Variants in ARL15 observed in about 807,000 individuals in gnomAD.
ARL15 encodes ADP-ribosylation factor-like protein 15.
Under a neutral mutation model 25.2 loss-of-function variants are expected in ARL15, and 19 were observed. The ratio of observed to expected loss-of-function variants is 0.75; its 90% CI spans 0.53 to 1.10. The LOEUF (loss-of-function observed/expected upper bound fraction) is 1.10. ARL15 is among the 50% of genes least tolerant of loss of function. The probability of loss-of-function intolerance (pLI) is 0.00; values close to 1 mark genes in which losing one functional copy is unlikely to be tolerated. For missense variants in ARL15, 220 were observed against 246.0 expected, an observed-to-expected ratio of 0.89 and a Z score of 0.71; for synonymous variants, 94 against 86.8, an observed-to-expected ratio of 1.08 and a Z score of -0.46.
In ARL15 at chr5:54,310,474, A is replaced by C; in HGVS notation, c.6T>G (p.Ser2=). 1 of 1,605,806 alleles carries C rather than the reference A, an allele frequency of 6.2e-7. No homozygotes were observed. Among genetic ancestry groups the C allele is most frequent in the African/African-American group, 1.3e-5 (1 of 74,808 alleles). Residue 2 remains serine, a synonymous_variant, in exon 1 of 5, where the codon TCT becomes TCG. Coordinates refer to ENST00000504924, the MANE Select transcript of ARL15 (RefSeq NM_019087.3). ...GAAACGCCTCAGTTATTCGGAGATCAGACATCCGGCAGCCTAAAGCATCCG... is the reference window on the plus strand; with the variant it reads ...GAAACGCCTCAGTTATTCGGAGATCCGACATCCGGCAGCCTAAAGCATCCG... M[S]DLRITEAFLY...
chr5:54,152,453 C>T (rs945585027), intron 3 of ARL15, among the ~76,000 whole-genome samples: 1 of 152,122 alleles, frequency 6.6e-6, no homozygotes, highest in Admixed American at 6.5e-5. Context: ...AAGAAGTCAA[C>T]TCCCTTAAGT....
chr5:54,191,471 A>C (rs1205322342), intron 1 of ARL15, among the ~76,000 whole-genome samples: 1 of 147,232 alleles, frequency 6.8e-6, no homozygotes, highest in East Asian at 1.9e-4. Context: ...GGTGAATTTT[A>C]TATGTATTTT....
At chr5:54,023,488 G>A (rs1749680687) in intron 4 of ARL15, among the ~76,000 whole-genome samples, 2 of 151,464 alleles carry the variant, frequency 1.3e-5, no homozygotes, top group Admixed American at 6.6e-5. Context: ...AAAGGGGTAC[G>A]ACTTTATCTT....
At chr5:54,025,706 A>G (rs1749771361) in intron 4 of ARL15, among the ~76,000 whole-genome samples, 1 of 152,154 alleles carries the variant, frequency 6.6e-6, no homozygotes, top group African/African-American at 2.4e-5. Context: ...ATCCGATCAC[A>G]TTAGTGAGAA....
chr5:53,965,624 C>CT lies in ARL15; in HGVS notation c.463-78912dup, dbSNP rs755943456. ...ATTTTGGGATTCTATTTCTGTTTTT[C>CT]TTTTTTTTTTTTTCTGTGTGGGGGG... is the stretch of plus-strand genomic sequence containing the variant. On this transcript the variant is annotated intron_variant, in intron 4 of 4. Transcript: ENST00000504924. Among the ~76,000 whole-genome samples the CT allele has an allele frequency of 2.0e-3, 277 of 142,040 alleles. 2 individuals are homozygous for CT. The highest frequency in any genetic ancestry group is 0.011 in the East Asian group (53 of 4,896). 93.2% of individuals were successfully genotyped at this position (142,040 alleles called of 152,430 possible). A position where few individuals can be genotyped will look rare whatever the true frequency, so the allele number is the denominator to read the frequency against.
intron 3 of ARL15, among the ~76,000 whole-genome samples, chr5:54,128,745 G>A (rs1177048380): frequency 9.7e-5 from 13 of 134,502 alleles, no homozygotes; most frequent in South Asian, 2.3e-4. Flanking sequence ...TCGCTCTGTC[G>A]CCCAGACTGT....
At chr5:53,945,902 GC>G (rs1746710545) in intron 4 of ARL15, among the ~76,000 whole-genome samples, 1 of 152,164 alleles carries the variant, frequency 6.6e-6, no homozygotes, top group Non-Finnish European at 1.5e-5. Context: ...TAGAAGGGTT[GC>G]TGAGGTACCC....
chr5:54,305,527 T>C (rs533895890), intron 1 of ARL15, among the ~76,000 whole-genome samples: 3 of 152,214 alleles, frequency 2.0e-5, no homozygotes, highest in South Asian at 4.1e-4. Context: ...CCATGGGGGA[T>C]ATATTCCAAG....
intron 1 of ARL15, among the ~76,000 whole-genome samples, chr5:54,232,275 C>G (rs1756691815): frequency 2.0e-5 from 3 of 152,138 alleles, no homozygotes; most frequent in Admixed American, 6.5e-5. Flanking sequence ...TCTTTGACAG[C>G]AGGTACTGAG....
At chr5:54,005,934 G>C (rs1197437287) in intron 4 of ARL15, among the ~76,000 whole-genome samples, 2 of 151,178 alleles carry the variant, frequency 1.3e-5, no homozygotes, top group African/African-American at 4.9e-5. Context: ...AGCTACTCAG[G>C]AGGCTGTAGC....
At chr5:54,114,123 C>T (rs1302311512) in intron 3 of ARL15, among the ~76,000 whole-genome samples, 2 of 152,024 alleles carry the variant, frequency 1.3e-5, no homozygotes, top group South Asian at 2.1e-4. Flanking sequence ...AGAGGCTGGG[C>T]GCGGTGGTTC....
intron 3 of ARL15, among the ~76,000 whole-genome samples, chr5:54,152,810 C>T (rs1021210402): frequency 3.3e-5 from 5 of 152,194 alleles, no homozygotes; most frequent in Admixed American, 6.5e-5. Context: ...ACAGCTCTTT[C>T]GGCAAAATTA....
intron 4 of ARL15, among the ~76,000 whole-genome samples, chr5:54,021,669 T>C (rs1315243664): frequency 6.6e-6 from 1 of 152,012 alleles, no homozygotes; most frequent in African/African-American, 2.4e-5. Flanking sequence ...GTCACTGAAG[T>C]TTCAGAGGGA....
intron 4 of ARL15, among the ~76,000 whole-genome samples, chr5:54,016,868 C>T (rs1293374644): frequency 6.6e-6 from 1 of 152,204 alleles, no homozygotes; most frequent in African/African-American, 2.4e-5. Context: ...TATGCATATA[C>T]TGTCATCTAT....
chr5:54,249,702 C>T (rs1356604128), intron 1 of ARL15, among the ~76,000 whole-genome samples: 1 of 148,496 alleles, frequency 6.7e-6, no homozygotes, highest in Non-Finnish European at 1.5e-5. Context: ...ACTTTAACAG[C>T]TGTAGGAGAA....
At chr5:54,003,180 G>A (rs1490430406) in intron 4 of ARL15, among the ~76,000 whole-genome samples, 2 of 152,146 alleles carry the variant, frequency 1.3e-5, no homozygotes, top group Non-Finnish European at 2.9e-5. Context: ...GCTCATTTTG[G>A]AAGTTACAAA....
rs1755472099 is a variant in ARL15, at chr5:54,193,766, T to TGTAC, written c.49-21842_49-21839dup. 2.0e-5 allele frequency among the ~76,000 whole-genome samples: 3 copies of TGTAC among 151,832 alleles called. No individual in the cohort carries two copies. In the South Asian group the frequency reaches 6.2e-4, roughly 32 times the overall value. ...CCAGAACTGTAACTACTTCGACTTATGTACTCTGCCTAGCACATCATAGGT... is the reference window on the plus strand; with the variant it reads ...CCAGAACTGTAACTACTTCGACTTATGTACGTACTCTGCCTAGCACATCATAGGT... On this transcript the variant is annotated intron_variant, in intron 1 of 4. Coordinates refer to ENST00000504924, the MANE Select transcript of ARL15 (RefSeq NM_019087.3).
At chr5:53,917,699 A>C (rs1188210722) in intron 4 of ARL15, among the ~76,000 whole-genome samples, 1 of 152,222 alleles carries the variant, frequency 6.6e-6, no homozygotes, top group Non-Finnish European at 1.5e-5. Flanking sequence ...TGAGAAGAGC[A>C]GTTAAGATTA....
At chr5:54,029,333 T>TACCACCACC (rs34152775) in intron 4 of ARL15, among the ~76,000 whole-genome samples, 4,004 of 94,506 alleles carry the variant, frequency 0.042, 138 homozygotes, top group Non-Finnish European at 0.062. Flanking sequence ...CCACCACCAC[T>TACCACCACC]ACCACCACCA....
Sources: gnomAD v4.1 joint callset for allele counts (sites outside exome capture counted in the v4.1 genomes callset) on GRCh38, gnomAD v4.1.1 for gene constraint, MANE v1.5 for transcripts, NCBI Gene and HGNC (gene_info 2026-07-23, HGNC 2026-07-21) for gene names.